The following CAMK4 variants were observed in gnomAD, a reference collection of about 807,000 sequenced individuals.
CAMK4 encodes the protein calcium/calmodulin-dependent protein kinase type IV.
CAMK4 carries 22 observed loss-of-function variants against 44.9 expected under a neutral mutation model. The observed-to-expected ratio is 0.49, with a 90% CI of 0.35 to 0.70. The LOEUF (loss-of-function observed/expected upper bound fraction) is 0.70, where lower values mean the gene tolerates loss of function less well. Among genes scored for constraint, CAMK4 ranks in the 30% least tolerant of loss-of-function variants. The pLI, the probability that CAMK4 is intolerant of heterozygous loss-of-function variation, is 0.01. For synonymous variants in CAMK4, 218 were observed against 215.4 expected, an observed-to-expected ratio of 1.01 and a Z score of -0.11; for missense variants, 498 against 586.8, an observed-to-expected ratio of 0.85 and a Z score of 1.56.
rs1748962887 is a variant in CAMK4 at position 111,327,741 on chromosome 5, G to A, written c.162-16283G>A. 2.7e-5 allele frequency among the ~76,000 whole-genome samples: 4 copies of A among 150,544 alleles called. No homozygotes were observed. The South Asian group carries it at 8.4e-4, about 32-fold the overall frequency. On this transcript the variant is annotated intron_variant, in intron 1 of 10. Coordinates refer to ENST00000282356, the MANE Select transcript of CAMK4 (RefSeq NM_001744.6). ...TGGTATCTCATTGTGGTTTTGATTT[G>A]CATTTCTCTGATGGCCAGTGATGAT... is the stretch of plus-strand genomic sequence containing the variant.
At chr5:111,285,279 T>C (rs1022974609) in intron 1 of CAMK4, among the ~76,000 whole-genome samples, 3 of 152,216 alleles carry the variant, frequency 2.0e-5, no homozygotes, top group African/African-American at 7.2e-5. Flanking sequence ...ATCTGAGATA[T>C]TCATGTATCT....
rs1320044248 is a variant in CAMK4 at position 111,424,467 on chromosome 5, CAG to C, written c.460-22216_460-22215del. Among the ~76,000 whole-genome samples, 3 of 95,448 alleles carry C rather than the reference CAG, an allele frequency of 3.1e-5. No homozygotes were observed. In the East Asian group the frequency reaches 1.1e-3, roughly 35 times the overall value. 62.6% of individuals were successfully genotyped at this position (95,448 alleles called of 152,430 possible). A position where few individuals can be genotyped will look rare whatever the true frequency, so the allele number is the denominator to read the frequency against. Reference sequence around the variant, plus strand: ...TTTTTTTTTTTTTTTTTTTTTGAGACAGAGTCTCGCTCTGTCGCCCAGGCTGG... The same window carrying C: ...TTTTTTTTTTTTTTTTTTTTTGAGACAGTCTCGCTCTGTCGCCCAGGCTGG... On this transcript the variant is annotated intron_variant, in intron 5 of 10. Transcript: ENST00000282356.
intron 4 of CAMK4, 76 bp downstream of exon 4, chr5:111,377,018 C>A: frequency 1.1e-6 from 1 of 870,324 alleles, no homozygotes; most frequent in Non-Finnish European, 1.8e-6. Flanking sequence ...GGACATTTCT[C>A]CTGAAACTTT....
chr5:111,279,173 G>A (rs1362153643), intron 1 of CAMK4, among the ~76,000 whole-genome samples: 1 of 152,160 alleles, frequency 6.6e-6, no homozygotes, highest in Non-Finnish European at 1.5e-5. Context: ...TTGGTCGTAG[G>A]CTTGAACTTA....
intron 5 of CAMK4, among the ~76,000 whole-genome samples, chr5:111,406,194 T>TTCTCTCTCTCTCTCTCTCTCTCTCTC (rs10524853): frequency 1.5e-5 from 2 of 136,744 alleles, no homozygotes; most frequent in African/African-American, 5.7e-5. Flanking sequence ...CTAATTTATT[T>TTCTCTCTCTCTCTCTCTCTCTCTCTC]TCTCTCTCTC....
intron 1 of CAMK4, among the ~76,000 whole-genome samples, chr5:111,331,457 A>G (rs1749165041): frequency 2.0e-5 from 3 of 151,876 alleles, no homozygotes; most frequent in Admixed American, 6.6e-5. Context: ...ATGTGGAGCA[A>G]CTAGAACTCT....
intron 8 of CAMK4, among the ~76,000 whole-genome samples, chr5:111,475,625 G>A (rs1755208577): frequency 6.6e-6 from 1 of 152,216 alleles, no homozygotes; most frequent in Non-Finnish European, 1.5e-5. Flanking sequence ...TTAGTTGAAA[G>A]TAAGAGTGGT....
chr5:111,385,866 C>T (rs913758360), intron 4 of CAMK4, among the ~76,000 whole-genome samples: 1 of 152,166 alleles, frequency 6.6e-6, no homozygotes, highest in African/African-American at 2.4e-5. Flanking sequence ...TAAGCCACCA[C>T]GCCCGGCTGC....
At chr5:111,399,594 T>G (rs992884056) in intron 5 of CAMK4, among the ~76,000 whole-genome samples, 2 of 152,186 alleles carry the variant, frequency 1.3e-5, no homozygotes, top group African/African-American at 4.8e-5. Context: ...AAATGGAAAT[T>G]GATGAAAACA....
intron 7 of CAMK4, among the ~76,000 whole-genome samples, chr5:111,472,957 TGC>T (rs1755114769): frequency 2.0e-5 from 3 of 152,358 alleles, no homozygotes; most frequent in African/African-American, 7.2e-5. Context: ...TCCCTTGTTA[TGC>T]TTAACTTTCA....
rs142518540 is a variant in CAMK4, at chr5:111,257,505, G to A, written c.161+32861G>A. 1.9e-3 allele frequency among the ~76,000 whole-genome samples: 286 copies of A among 152,318 alleles called. 3 individuals are homozygous for A. Among genetic ancestry groups the A allele is most frequent in the Non-Finnish European group, 1.9e-3 (130 of 68,024 alleles). ...AAAAAGTCAAGAAACAACAGATGCT[G>A]GTGAGGCTGTGGAGAAATAGGAATG... On this transcript the variant is annotated intron_variant, in intron 1 of 10. Transcript: ENST00000282356.
At chr5:111,371,815 A>G (rs888031801) in intron 2 of CAMK4, among the ~76,000 whole-genome samples, 3 of 152,320 alleles carry the variant, frequency 2.0e-5, no homozygotes, top group Middle Eastern at 3.4e-3. Flanking sequence ...CCAACCATTC[A>G]TATTGGCTAC....
In CAMK4 at chr5:111,228,509, G is replaced by GGGGTGTGTGTGT. The variant is rs1554053042; in HGVS notation, c.161+3866_161+3867insGGTGTGTGTGTG. 2.1e-3 allele frequency among the ~76,000 whole-genome samples: 299 copies of GGGGTGTGTGTGT among 145,346 alleles called. 2 individuals are homozygous for GGGGTGTGTGTGT. Among genetic ancestry groups the GGGGTGTGTGTGT allele is most frequent in the African/African-American group, 7.2e-3 (282 of 39,138 alleles). ...AACCAAATAGATTTCCATAGTAAGG[G>GGGGTGTGTGTGT]GTGTGTGTGTGTGTGTGTGTGTGTG... On this transcript the variant is annotated intron_variant, in intron 1 of 10. Coordinates refer to ENST00000282356, the MANE Select transcript of CAMK4 (RefSeq NM_001744.6).
intron 1 of CAMK4, among the ~76,000 whole-genome samples, chr5:111,311,839 G>C (rs1049567476): frequency 6.6e-6 from 1 of 152,126 alleles, no homozygotes; most frequent in African/African-American, 2.4e-5. Flanking sequence ...TGGGTAATTT[G>C]TCAGTCTTCC....
intron 1 of CAMK4, among the ~76,000 whole-genome samples, chr5:111,294,607 T>C (rs1194392927): frequency 1.3e-5 from 2 of 152,180 alleles, no homozygotes; most frequent in Non-Finnish European, 2.9e-5. Flanking sequence ...ATGCTAGCAC[T>C]GTCTAAACTA....
At chr5:111,253,010 C>T (rs1057419530) in intron 1 of CAMK4, among the ~76,000 whole-genome samples, 3 of 152,178 alleles carry the variant, frequency 2.0e-5, no homozygotes, top group Non-Finnish European at 4.4e-5. Context: ...TTGCATTTGT[C>T]TTTGCTTTCT....
chr5:111,405,437 C>T (rs1752386571), intron 5 of CAMK4, among the ~76,000 whole-genome samples: 1 of 151,828 alleles, frequency 6.6e-6, no homozygotes, highest in Admixed American at 6.6e-5. Context: ...CACCGCACTC[C>T]AGTATGGCAA....
intron 1 of CAMK4, among the ~76,000 whole-genome samples, chr5:111,276,018 A>G (rs1329807440): frequency 1.3e-5 from 2 of 152,168 alleles, no homozygotes; most frequent in Non-Finnish European, 2.9e-5. Context: ...ATTATTGACA[A>G]TTCAGTTTAA....
chr5:111,461,678 C>CCACCCTT (rs1170982626), intron 7 of CAMK4, among the ~76,000 whole-genome samples: 1 of 151,924 alleles, frequency 6.6e-6, no homozygotes, highest in Non-Finnish European at 1.5e-5. Context: ...TAAATCCCCT[C>CCACCCTT]CACCCTTCAC....
Sources: gnomAD v4.1 joint callset for allele counts (sites outside exome capture counted in the v4.1 genomes callset) on GRCh38, gnomAD v4.1.1 for gene constraint, MANE v1.5 for transcripts, NCBI Gene and HGNC (gene_info 2026-07-23, HGNC 2026-07-21) for gene names.